Variants in RRM2B observed in about 807,000 individuals in gnomAD.
RRM2B encodes ribonucleotide reductase regulatory TP53 inducible subunit M2B.
RRM2B carries 20 observed loss-of-function variants against 45.9 expected under a neutral mutation model. The observed-to-expected ratio is 0.44, with a 90% CI of 0.31 to 0.63. The LOEUF (loss-of-function observed/expected upper bound fraction) is 0.63, where lower values mean the gene tolerates loss of function less well. RRM2B is among the 30% of genes least tolerant of loss of function. The pLI is 0.09. For synonymous variants in RRM2B, 124 were observed against 132.3 expected (o/e 0.94, Z 0.43); for missense variants, 320 against 414.7 (o/e 0.77, Z 1.98).
intron 6 of RRM2B, 23 bp downstream of exon 6, chr8:102,218,791 T>A: frequency 6.4e-7 from 1 of 1,551,400 alleles, no homozygotes; most frequent in Non-Finnish European, 8.9e-7. Flanking sequence ...CAAATATAAC[T>A]AGAAAAACAT....
In RRM2B at chr8:102,232,276, T is replaced by C; in HGVS notation, c.77A>G (p.Glu26Gly). ...ERSSSDTNES[E>G]IKSNEEPLLR... is the part of the protein sequence containing the mutation. Reference sequence around the variant, plus strand: ...GAGTGGCTCTTCATTTGACTTTATTTCACTTTCGTTGGTGTCTGAAGATGA... The same window carrying C: ...GAGTGGCTCTTCATTTGACTTTATTCCACTTTCGTTGGTGTCTGAAGATGA... The change falls in exon 2 of 9, where the codon GAA becomes GGA. Residue 26 changes from glutamate (E) to glycine (G), a missense_variant. Glu to Gly is a moderately conservative substitution (Grantham distance 98, BLOSUM62 -2). This residue lies in a region of RRM2B where 48 missense variants were observed against 35.3 expected (regional missense o/e 1.36). Transcript: ENST00000251810. 1 of 1,614,188 alleles carries C rather than the reference T, an allele frequency of 6.2e-7. No homozygotes were observed. Among genetic ancestry groups the C allele is most frequent in the Non-Finnish European group, 8.5e-7 (1 of 1,180,002 alleles).
Position 102,206,966 on chromosome 8 carries a change from T to C in RRM2B, c.*1167A>G, listed in dbSNP as rs1810554181. 1 of 152,222 alleles carries C rather than the reference T, an allele frequency of 6.6e-6. No individual in the cohort carries two copies. Among genetic ancestry groups the C allele is most frequent in the South Asian group, 2.1e-4 (1 of 4,836 alleles). The allele number at this position is 152,222 out of a possible 1,614,324, so 9.4% of individuals were successfully genotyped here. On this transcript the variant is annotated 3_prime_UTR_variant, in exon 9 of 9. Coordinates refer to ENST00000251810, the MANE Select transcript of RRM2B (RefSeq NM_015713.5). Reference sequence around the variant, plus strand: ...GTACACTATTCAGGCTGGTATAAATTTGAAATGATTCAATAATCCCTACCA... The same window carrying C: ...GTACACTATTCAGGCTGGTATAAATCTGAAATGATTCAATAATCCCTACCA...
At chr8:102,214,196 T>G (rs765703409) in intron 6 of RRM2B, 38 bp from the exon 7 acceptor site, 1 of 1,394,618 alleles carries the variant, frequency 7.2e-7, no homozygotes, top group Non-Finnish European at 1.0e-6. Flanking sequence ...AAATAACTTT[T>G]AATCAGCTAT....
chr8:102,233,504 TA>T (rs1811070058), intron 1 of RRM2B, among the ~76,000 whole-genome samples: 1 of 152,226 alleles, frequency 6.6e-6, no homozygotes, highest in Non-Finnish European at 1.5e-5. Context: ...AATGGGCTGC[TA>T]ATTTCTCTTC....
intron 3 of RRM2B, among the ~76,000 whole-genome samples, chr8:102,225,290 G>T (rs1382676701): frequency 7.5e-6 from 1 of 133,494 alleles, no homozygotes; most frequent in Non-Finnish European, 1.5e-5. Flanking sequence ...CTGGAGTACA[G>T]TGGCGCCATC....
chr8:102,238,753 A>G, intron 1 of RRM2B, 74 bp downstream of exon 1: 1 of 1,611,386 alleles, frequency 6.2e-7, no homozygotes, highest in African/African-American at 1.3e-5. Context: ...CATTTCCTAC[A>G]GCGGTCCTGC....
intron 5 of RRM2B, among the ~76,000 whole-genome samples, chr8:102,221,694 T>G (rs1216280155): frequency 6.6e-6 from 1 of 152,190 alleles, no homozygotes; most frequent in Non-Finnish European, 1.5e-5. Context: ...ATATGGAGAA[T>G]CTAGCTGGAG....
At chr8:102,215,178 T>A (rs545545657) in intron 6 of RRM2B, among the ~76,000 whole-genome samples, 1 of 150,122 alleles carries the variant, frequency 6.7e-6, no homozygotes, top group Admixed American at 6.6e-5. Context: ...TTTGGGAGGC[T>A]AAGGTGGGCA....
At chr8:102,232,098 AG>A (rs1811040409) in intron 2 of RRM2B, 50 bp downstream of exon 2, 2 of 1,521,022 alleles carry the variant, frequency 1.3e-6, no homozygotes, top group Non-Finnish European at 1.8e-6. Flanking sequence ...TAAAACAAGA[AG>A]GAACACTGCA....
intron 5 of RRM2B, among the ~76,000 whole-genome samples, chr8:102,220,309 T>C (rs1014983444): frequency 6.6e-6 from 1 of 152,236 alleles, no homozygotes; most frequent in Non-Finnish European, 1.5e-5. Context: ...ACTGTATCTT[T>C]TATCTTACTA....
At chr8:102,210,055 T>C (rs1031246753) in intron 8 of RRM2B, among the ~76,000 whole-genome samples, 5 of 152,182 alleles carry the variant, frequency 3.3e-5, no homozygotes, top group Non-Finnish European at 7.4e-5. Flanking sequence ...AGTTTCTTTA[T>C]GGGGTGATAA....
At chr8:102,211,364 C>T (rs1810633327) in intron 8 of RRM2B, among the ~76,000 whole-genome samples, 1 of 152,214 alleles carries the variant, frequency 6.6e-6, no homozygotes, top group Non-Finnish European at 1.5e-5. Flanking sequence ...TTTCTACTTT[C>T]ATTGCATTAA....
chr8:102,216,652 G>A (rs1158760459), intron 6 of RRM2B, among the ~76,000 whole-genome samples: 1 of 152,032 alleles, frequency 6.6e-6, no homozygotes, highest in Non-Finnish European at 1.5e-5. Flanking sequence ...AGAGCACTCA[G>A]AGTTAAATAA....
intron 6 of RRM2B, among the ~76,000 whole-genome samples, chr8:102,216,272 T>C (rs1474752735): frequency 6.6e-6 from 1 of 152,080 alleles, no homozygotes; most frequent in Admixed American, 6.5e-5. Flanking sequence ...ACTTATTCTT[T>C]ATTATATTTA....
At chr8:102,233,437 T>C (rs1341187173) in intron 1 of RRM2B, among the ~76,000 whole-genome samples, 1 of 152,202 alleles carries the variant, frequency 6.6e-6, no homozygotes, top group African/African-American at 2.4e-5. Flanking sequence ...GGAACCAATT[T>C]TTATTTGTTG....
chr8:102,232,472 C>T (rs762648001), intron 1 of RRM2B, among the ~76,000 whole-genome samples, 168 bp from the exon 2 acceptor site: 4 of 152,148 alleles, frequency 2.6e-5, no homozygotes, highest in East Asian at 1.9e-4. Flanking sequence ...TTAGGAAGTG[C>T]GTGTGTGACC....
intron 1 of RRM2B, chr8:102,238,440 C>T: frequency 1.1e-6 from 1 of 874,412 alleles, no homozygotes; most frequent in Non-Finnish European, 1.6e-6. Flanking sequence ...ATGGTATGCA[C>T]CTCTCCAGCA....
At chr8:102,223,963 T>C (rs1587178375) in intron 5 of RRM2B, 83 bp downstream of exon 5, 1 of 958,634 alleles carries the variant, frequency 1.0e-6, no homozygotes, top group East Asian at 2.4e-5. Context: ...GTAACTTTGA[T>C]TCGTACTGGA....
chr8:102,238,919 C>G lies in RRM2B; in HGVS notation c.-45G>C, dbSNP rs1478709737. 6.3e-7 allele frequency: 1 copy of G among 1,593,940 alleles called. No individual in the cohort carries two copies. Among genetic ancestry groups the G allele is most frequent in the East Asian group, 2.2e-5 (1 of 44,796 alleles). On this transcript the variant is annotated 5_prime_UTR_variant, in exon 1 of 9. Coordinates refer to ENST00000251810, the MANE Select transcript of RRM2B (RefSeq NM_015713.5). The stretch of plus-strand genomic sequence containing the variant: ...CTACGGGCGCTGAGGGAACTGAGCT[C>G]CTCAGGCCACCTCCAACTACGACAG...
Sources: allele counts gnomAD v4.1 joint callset (sites outside exome capture counted in the v4.1 genomes callset), GRCh38; gene constraint gnomAD v4.1.1; regional missense constraint gnomAD v4.1.1; transcripts MANE v1.5; gene names NCBI Gene and HGNC (gene_info 2026-07-23, HGNC 2026-07-21).